The following MAP4K4 variants were observed in gnomAD, a reference collection of about 807,000 sequenced individuals.
MAP4K4 encodes mitogen-activated protein kinase kinase kinase kinase 4.
A neutral mutation model predicts 189.6 loss-of-function variants in MAP4K4; 38 were observed. The ratio of observed to expected loss-of-function variants is 0.20; its 90% confidence interval spans 0.15 to 0.26. The LOEUF (loss-of-function observed/expected upper bound fraction) is 0.26, where lower values mean the gene tolerates loss of function less well. Ranked by LOEUF, MAP4K4 falls within the 10% of genes least tolerant of loss-of-function variation. The pLI is 1.00. For missense variants in MAP4K4, 1,054 were observed against 1,726.9 expected (o/e 0.61, Z 6.91); for synonymous variants, 610 against 624.3 (o/e 0.98, Z 0.34).
chr2:101,840,083 A>G (rs2096870837), intron 10 of MAP4K4, 89 bp downstream of exon 10: 1 of 1,311,568 alleles, frequency 7.6e-7, no homozygotes, highest in Admixed American at 2.6e-5. Flanking sequence ...CCCAGCTGTG[A>G]GAGTGCTCAC....
At chr2:101,711,990 T>G (rs1378031515) in intron 2 of MAP4K4, among the ~76,000 whole-genome samples, 1 of 143,406 alleles carries the variant, frequency 7.0e-6, no homozygotes, top group African/African-American at 2.7e-5. Context: ...TTTTTTTTTT[T>G]GCTTTTTAAT....
intron 3 of MAP4K4, among the ~76,000 whole-genome samples, chr2:101,791,656 G>A (rs2092901999): frequency 2.0e-5 from 3 of 152,152 alleles, no homozygotes. Flanking sequence ...TCTGTCAAGG[G>A]AGATAATGGC....
rs1439330531 is a variant in MAP4K4 at position 101,868,021 on chromosome 2, T to C, written c.2455-8T>C. On this transcript the variant is annotated splice_region_variant and splice_polypyrimidine_tract_variant and intron_variant, in intron 20 of 32. Transcript: ENST00000324219. ...TCTCGGACTCCACGAAACTGCGCTG[T>C]ACTGAAGGGCGAAGTGGTAAGCGCC... is the stretch of plus-strand genomic sequence containing the variant. The C allele has an allele frequency of 6.2e-7, 1 of 1,613,370 alleles. No homozygotes were observed. The highest frequency in any genetic ancestry group is 1.1e-5 in the South Asian group (1 of 90,804).
exon 7 of MAP4K4, chr2:101,831,810 A>G: frequency 6.2e-7 from 1 of 1,612,634 alleles, no homozygotes; most frequent in South Asian, 1.1e-5. Context: ...TCCTGAGGTC[A>G]TCGCCTGTGA....
intron 17 of MAP4K4, among the ~76,000 whole-genome samples, chr2:101,864,540 G>A (rs1245146742): frequency 6.6e-6 from 1 of 152,190 alleles, no homozygotes; most frequent in African/African-American, 2.4e-5. Flanking sequence ...TGCTTCCTCT[G>A]AATATTTTCT....
At chr2:101,841,196 T>C (rs1027959476) in intron 10 of MAP4K4, among the ~76,000 whole-genome samples, 1 of 152,188 alleles carries the variant, frequency 6.6e-6, no homozygotes, top group African/African-American at 2.4e-5. Context: ...CAGTGACCTC[T>C]TCATTTTCTT....
At chr2:101,781,899 C>A (rs1401956402) in intron 2 of MAP4K4, among the ~76,000 whole-genome samples, 2 of 152,174 alleles carry the variant, frequency 1.3e-5, no homozygotes, top group Admixed American at 6.5e-5. Flanking sequence ...CTGGTCCCCC[C>A]ACCTGCCATC....
intron 2 of MAP4K4, among the ~76,000 whole-genome samples, chr2:101,770,240 A>ATTTTTTTTTTTTTTTTT (rs34574782): frequency 1.3e-5 from 1 of 75,158 alleles, no homozygotes; most frequent in Non-Finnish European, 2.4e-5. Context: ...GTTCATTCTG[A>ATTTTTTTTTTTTTTTTT]TTTTTTTTTT....
At chr2:101,741,164 ATTTTT>A (rs11341237) in intron 2 of MAP4K4, among the ~76,000 whole-genome samples, 1 of 111,398 alleles carries the variant, frequency 9.0e-6, no homozygotes. Flanking sequence ...GGTAGTAGGT[ATTTTT>A]TTTTTTTTTT....
chr2:101,867,803 A>G (rs1178066585), intron 20 of MAP4K4: 1 of 509,216 alleles, frequency 2.0e-6, no homozygotes, highest in Non-Finnish European at 3.5e-6. Context: ...ACCTGGGGTG[A>G]TAGTTGTGAC....
chr2:101,874,862 C>G (rs2098155241), intron 26 of MAP4K4, among the ~76,000 whole-genome samples: 1 of 152,082 alleles, frequency 6.6e-6, no homozygotes, highest in African/African-American at 2.4e-5. Flanking sequence ...GCCACAATAC[C>G]TGCAGCTTTT....
chr2:101,893,382 A>C (rs1402706796), exon 33 of MAP4K4: 1 of 370,508 alleles, frequency 2.7e-6, no homozygotes, highest in Non-Finnish European at 5.3e-6. Flanking sequence ...AACCTAGAGA[A>C]GGTTGAAAAA....
At position 101,697,975 on chromosome 2, in the gene MAP4K4, T is replaced by C. The variant is rs13430711; in HGVS notation, c.-106T>C. 0.7 allele frequency: 487,590 copies of C among 694,944 alleles called. 173,144 individuals are homozygous for C. The highest frequency in any genetic ancestry group is 0.88 in the African/African-American group (45,123 of 51,148). The allele number at this position is 694,944 out of a possible 1,614,324, so 43.0% of individuals were successfully genotyped here. A position where few individuals can be genotyped will look rare whatever the true frequency, so the allele number is the denominator to read the frequency against. ...CCCGCGAGGAGAGTACCGGGCCGGC[T>C]CGGCTGCCGCGCGAGGAGCGCGGTC... On this transcript the variant is annotated 5_prime_UTR_variant, in exon 1 of 33. Transcript: ENST00000324219.
intron 2 of MAP4K4, among the ~76,000 whole-genome samples, chr2:101,744,674 A>G (rs2064389132): frequency 1.3e-5 from 2 of 152,100 alleles, no homozygotes; most frequent in East Asian, 3.9e-4. Context: ...CCTTCTCTCC[A>G]AGAGACCTGC....
intron 3 of MAP4K4, among the ~76,000 whole-genome samples, chr2:101,793,999 G>A (rs548241263): frequency 1.3e-5 from 2 of 152,274 alleles, no homozygotes; most frequent in Non-Finnish European, 2.9e-5. Context: ...GAGATGTCAA[G>A]TTCTCTTCAA....
At chr2:101,727,050 T>G (rs2055825682) in intron 2 of MAP4K4, among the ~76,000 whole-genome samples, 1 of 152,166 alleles carries the variant, frequency 6.6e-6, no homozygotes, top group Non-Finnish European at 1.5e-5. Flanking sequence ...TATTAGTCCA[T>G]GAATGGATGA....
At chr2:101,879,455 G>A (rs4851507) in intron 27 of MAP4K4, among the ~76,000 whole-genome samples, 92,463 of 151,864 alleles carry the variant, frequency 0.61, 29,933 homozygotes, top group African/African-American at 0.84. Context: ...TTCTCTGTAA[G>A]TATATCTCAC....
chr2:101,732,178 G>T (rs1392118311), intron 2 of MAP4K4, among the ~76,000 whole-genome samples: 1 of 152,150 alleles, frequency 6.6e-6, no homozygotes, highest in South Asian at 2.1e-4. Context: ...AGTAGCTGGT[G>T]TGTAATTTAC....
In MAP4K4 at chr2:101,801,495, AATTTTT is replaced by A. The variant is rs1279710488; in HGVS notation, c.180+10724_180+10729del. 3.3e-5 allele frequency among the ~76,000 whole-genome samples: 5 copies of A among 152,330 alleles called. No individual in the cohort carries two copies. The East Asian group carries it at 9.6e-4, about 29-fold the overall frequency. ...AGCTTGCTAGAGACTCAGTGCATTG[AATTTTT>A]ATTTGGAGATGGCAGTACAAGCAGC... is the stretch of plus-strand genomic sequence containing the variant. On this transcript the variant is annotated intron_variant, in intron 3 of 32. Transcript: ENST00000324219.
Sources: allele counts gnomAD v4.1 joint callset (sites outside exome capture counted in the v4.1 genomes callset), GRCh38; gene constraint gnomAD v4.1.1; transcripts MANE v1.5; gene names NCBI Gene and HGNC (gene_info 2026-07-23, HGNC 2026-07-21).